Variants in DPP6 observed in about 807,000 individuals in gnomAD.
DPP6 encodes the protein dipeptidyl peptidase like 6.
Under a neutral mutation model 122.6 loss-of-function variants are expected in DPP6, and 69 were observed. That is an observed-to-expected ratio of 0.56 (90% CI 0.46 to 0.69). The LOEUF is 0.69. DPP6 is among the 30% of genes least tolerant of loss of function. The pLI is 0.00. For synonymous variants in DPP6, 418 were observed against 433.1 expected (o/e 0.97, Z 0.43); for missense variants, 928 against 1,116.9 (o/e 0.83, Z 2.41).
At chr7:153,987,316 A>G (rs71530440) in intron 1 of DPP6, among the ~76,000 whole-genome samples, 4 of 152,214 alleles carry the variant, frequency 2.6e-5, no homozygotes, top group Admixed American at 6.5e-5. Flanking sequence ...TGGGGCTTCA[A>G]TGCAATTTGC....
intron 1 of DPP6, among the ~76,000 whole-genome samples, chr7:154,064,359 T>C (rs113746166): frequency 0.046 from 7,025 of 152,228 alleles, 262 homozygotes; most frequent in African/African-American, 0.1. Flanking sequence ...GTCAAGTGCC[T>C]GGAATCCACC....
chr7:154,514,785 C>CT, intron 3 of DPP6, among the ~76,000 whole-genome samples: 1 of 152,272 alleles, frequency 6.6e-6, no homozygotes, highest in Non-Finnish European at 1.5e-5. Flanking sequence ...ACCCATTTAT[C>CT]TGTCAATAGA....
the DPP6 span, among the ~76,000 whole-genome samples, chr7:153,786,505 C>T: frequency 1.3e-5 from 2 of 151,350 alleles, no homozygotes; most frequent in African/African-American, 4.9e-5. Context: ...TTTGGGAGGC[C>T]GAGGCGGGCG....
chr7:154,664,159 A>G (rs1284039180), intron 6 of DPP6, among the ~76,000 whole-genome samples: 2 of 149,662 alleles, frequency 1.3e-5, no homozygotes, highest in Admixed American at 6.7e-5. Flanking sequence ...TCATATAGTC[A>G]TGGTGAATCA....
At chr7:154,345,260 C>G (rs936622602) in intron 1 of DPP6, among the ~76,000 whole-genome samples, 3 of 152,102 alleles carry the variant, frequency 2.0e-5, no homozygotes, top group Non-Finnish European at 4.4e-5. Flanking sequence ...AGCACTAATC[C>G]CATGGTGAGG....
the DPP6 span, among the ~76,000 whole-genome samples, chr7:153,875,928 A>AC: frequency 6.6e-6 from 1 of 151,138 alleles, no homozygotes; most frequent in African/African-American, 2.4e-5. Context: ...GAGGACCAAA[A>AC]AAAAAAAAAA....
At chr7:154,485,613 C>T (rs1249388584) in intron 3 of DPP6, among the ~76,000 whole-genome samples, 1 of 152,216 alleles carries the variant, frequency 6.6e-6, no homozygotes, top group African/African-American at 2.4e-5. Context: ...GCTTAAACTT[C>T]TGCAAAAGTT....
Position 154,061,987 on chromosome 7 carries a change from G to A in DPP6, c.243+8924G>A, listed in dbSNP as rs1226757867. Among the ~76,000 whole-genome samples, 10 of 94,602 alleles carry A rather than the reference G, an allele frequency of 1.1e-4. 1 individual carries two copies. The highest frequency in any genetic ancestry group is 6.3e-4 in the East Asian group (2 of 3,180). The allele number at this position is 94,602 out of a possible 152,430, so 62.1% of individuals were successfully genotyped here. On this transcript the variant is annotated intron_variant, in intron 1 of 25. Transcript: ENST00000377770. ...GGGACTGAGAGCTATCCCCTCTTCC[G>A]CCCCTGGCTGTTGGTACCCCCATCG... is the stretch of plus-strand genomic sequence containing the variant.
At chr7:154,538,711 A>C (rs1259425972) in intron 3 of DPP6, among the ~76,000 whole-genome samples, 2 of 152,216 alleles carry the variant, frequency 1.3e-5, no homozygotes, top group Non-Finnish European at 2.9e-5. Context: ...TGCTTTCTAA[A>C]AAAAAATTCT....
chr7:154,053,252 G>T (rs1460080791), intron 1 of DPP6, among the ~76,000 whole-genome samples, 189 bp downstream of exon 1: 2 of 151,052 alleles, frequency 1.3e-5, no homozygotes, highest in Non-Finnish European at 3.0e-5. Context: ...GAGGGAGCGG[G>T]TCTGTGTCTG....
chr7:154,330,406 C>T (rs1005401110), intron 1 of DPP6, among the ~76,000 whole-genome samples: 1 of 152,084 alleles, frequency 6.6e-6, no homozygotes, highest in Non-Finnish European at 1.5e-5. Context: ...TGAGGAGAGA[C>T]AGGTAAACAA....
At chr7:153,923,901 G>T (rs2129009864) in intron 1 of DPP6, among the ~76,000 whole-genome samples, 2 of 151,986 alleles carry the variant, frequency 1.3e-5, no homozygotes, top group Admixed American at 1.3e-4. Flanking sequence ...TCAAGTATGG[G>T]ATACAAAAGG....
At chr7:154,111,572 T>A (rs1391101709) in intron 1 of DPP6, among the ~76,000 whole-genome samples, 1 of 152,080 alleles carries the variant, frequency 6.6e-6, no homozygotes, top group African/African-American at 2.4e-5. Context: ...TATTTTCTTA[T>A]CTGGGTAGTG....
At chr7:154,078,963 A>AG (rs1297447278) in intron 1 of DPP6, among the ~76,000 whole-genome samples, 7 of 148,534 alleles carry the variant, frequency 4.7e-5, no homozygotes, top group Non-Finnish European at 8.8e-5. Context: ...AAAAAAAAAA[A>AG]AAAAAAATAC....
intron 1 of DPP6, among the ~76,000 whole-genome samples, chr7:154,180,262 C>T (rs1203319638): frequency 6.6e-6 from 1 of 151,538 alleles, no homozygotes; most frequent in Non-Finnish European, 1.5e-5. Context: ...GCATAAGAAT[C>T]GCATGAACCC....
In DPP6 at chr7:154,346,716, T is replaced by A. The variant is rs578211276; in HGVS notation, c.244-99498T>A. Among the ~76,000 whole-genome samples, 5 of 152,292 alleles carry A rather than the reference T, an allele frequency of 3.3e-5. No individual in the cohort carries two copies. In the East Asian group the frequency reaches 7.7e-4, roughly 24 times the overall value. ...CCTATCACTGAGAGCACCAAGCAGGTGTTCATGCCCAGGTAGGCTGAGCAT... is the reference window on the plus strand; with the variant it reads ...CCTATCACTGAGAGCACCAAGCAGGAGTTCATGCCCAGGTAGGCTGAGCAT... On this transcript the variant is annotated intron_variant, in intron 1 of 25. Transcript: ENST00000377770.
chr7:154,435,854 T>A (rs1337741452), intron 1 of DPP6, among the ~76,000 whole-genome samples: 2 of 152,232 alleles, frequency 1.3e-5, no homozygotes, highest in Non-Finnish European at 2.9e-5. Flanking sequence ...AGAAAATACA[T>A]TTAGACAATA....
intron 1 of DPP6, among the ~76,000 whole-genome samples, chr7:154,422,787 C>A (rs779274639): frequency 1.3e-5 from 2 of 151,938 alleles, no homozygotes; most frequent in African/African-American, 2.4e-5. Context: ...GGATTGCTAC[C>A]TTTAAAAGCA....
intron 16 of DPP6, among the ~76,000 whole-genome samples, chr7:154,841,407 G>A (rs1563271651): frequency 6.7e-6 from 1 of 150,368 alleles, no homozygotes; most frequent in East Asian, 2.0e-4. Flanking sequence ...GAAATACTAA[G>A]TTCCTTCTTT....
Sources: gnomAD v4.1 joint callset for allele counts (sites outside exome capture counted in the v4.1 genomes callset) on GRCh38, gnomAD v4.1.1 for gene constraint, MANE v1.5 for transcripts, NCBI Gene and HGNC (gene_info 2026-07-23, HGNC 2026-07-21) for gene names.